ZRANB3: variants seen among roughly 807,000 people sequenced by gnomAD.
ZRANB3 encodes the protein DNA annealing helicase and endonuclease ZRANB3.
Under a neutral mutation model 133.8 loss-of-function variants are expected in ZRANB3, and 125 were observed. The observed-to-expected ratio is 0.93, with a 90% CI of 0.81 to 1.08. The LOEUF is 1.08. Ranked by LOEUF, ZRANB3 falls within the 50% of genes least tolerant of loss-of-function variation. The probability of loss-of-function intolerance (pLI) is 0.00; values close to 1 mark genes in which losing one functional copy is unlikely to be tolerated. For missense variants in ZRANB3, 1,229 were observed against 1,275.5 expected, an observed-to-expected ratio of 0.96 and a Z score of 0.56; for synonymous variants, 387 against 432.7, an observed-to-expected ratio of 0.89 and a Z score of 1.31.
rs1693918797 is a variant in ZRANB3 at position 135,207,463 on chromosome 2, T to C, written c.2980A>G (p.Thr994Ala). 1.2e-6 allele frequency: 2 copies of C among 1,613,216 alleles called. No individual in the cohort carries two copies. Among genetic ancestry groups the C allele is most frequent in the South Asian group, 1.1e-5 (1 of 90,948 alleles). ...KSQRKNLLYA[T>A]WTSKLPLEQL... ...TCTAATGGGAGCTTTGAAGTCCAGG[T>C]AGCATACAGAAGATTCTTCCTCTGA... is the stretch of plus-strand genomic sequence containing the variant. The change falls in exon 19 of 21, where the codon ACC (threonine) becomes GCC (alanine). Residue 994 changes from threonine to alanine, a missense_variant. By Grantham distance (58) the Thr-to-Ala change is moderately conservative. Coordinates refer to ENST00000264159, the MANE Select transcript of ZRANB3 (RefSeq NM_032143.4).
intron 2 of ZRANB3, among the ~76,000 whole-genome samples, chr2:135,503,108 G>T (rs1693017993): frequency 6.6e-6 from 1 of 152,114 alleles, no homozygotes. Context: ...TAGGATGATG[G>T]GTTTGGGTTA....
At chr2:135,314,216 A>G (rs1683145265) in intron 7 of ZRANB3, among the ~76,000 whole-genome samples, 1 of 152,220 alleles carries the variant, frequency 6.6e-6, no homozygotes, top group South Asian at 2.1e-4. Flanking sequence ...GAAACATAAG[A>G]AAGCAGAGTA....
At chr2:135,317,049 T>C (rs543942379) in intron 6 of ZRANB3, among the ~76,000 whole-genome samples, 1 of 151,044 alleles carries the variant, frequency 6.6e-6, no homozygotes, top group Non-Finnish European at 1.5e-5. Context: ...GAATGGAATC[T>C]ACTGTATGAT....
intron 6 of ZRANB3, among the ~76,000 whole-genome samples, chr2:135,326,551 G>C (rs1341695905): frequency 2.6e-5 from 4 of 151,970 alleles, no homozygotes; most frequent in Non-Finnish European, 4.4e-5. Context: ...GTGCCATGGT[G>C]GTTTGCTGCA....
intron 14 of ZRANB3, 126 bp downstream of exon 14, chr2:135,227,686 G>A (rs1694805720): frequency 3.3e-6 from 3 of 911,176 alleles, no homozygotes; most frequent in Admixed American, 2.7e-5. Flanking sequence ...CAAATGGTTG[G>A]TATTTTTAAT....
At chr2:135,399,872 A>C (rs1020033169) in intron 2 of ZRANB3, among the ~76,000 whole-genome samples, 1 of 152,212 alleles carries the variant, frequency 6.6e-6, no homozygotes, top group Non-Finnish European at 1.5e-5. Context: ...TCAGTGTATA[A>C]GGCCTAATTT....
chr2:135,336,687 T>G (rs1212404254), intron 6 of ZRANB3, among the ~76,000 whole-genome samples: 1 of 152,202 alleles, frequency 6.6e-6, no homozygotes, highest in Non-Finnish European at 1.5e-5. Context: ...AGATGAATTT[T>G]TTTATGAAAC....
intron 4 of ZRANB3, among the ~76,000 whole-genome samples, chr2:135,351,354 G>A (rs1394485421): frequency 6.9e-6 from 1 of 143,944 alleles, no homozygotes; most frequent in African/African-American, 2.6e-5. Flanking sequence ...TGCAAGCTCT[G>A]CCTCCCAGGT....
chr2:135,403,770 C>A (rs1417355136), intron 2 of ZRANB3, among the ~76,000 whole-genome samples: 4 of 152,176 alleles, frequency 2.6e-5, no homozygotes, highest in African/African-American at 7.2e-5. Flanking sequence ...GAGGAAGGAT[C>A]TGGCAGCAAC....
chr2:135,531,006 G>C (rs1487986586), intron 1 of ZRANB3, 121 bp downstream of exon 1: 1 of 152,254 alleles, frequency 6.6e-6, no homozygotes, highest in Non-Finnish European at 1.5e-5. Flanking sequence ...TTAGCGCTAA[G>C]GGGAGGAGCC....
rs112209442 is a variant in ZRANB3, at chr2:135,272,414, CTTTTTTT to C, written c.1087-534_1087-528del. 3.8e-3 allele frequency among the ~76,000 whole-genome samples: 408 copies of C among 107,760 alleles called. 19 individuals carry two copies. The highest frequency in any genetic ancestry group is 0.017 in the African/African-American group (377 of 22,142). 70.7% of individuals were successfully genotyped at this position (107,760 alleles called of 152,430 possible). A position where few individuals can be genotyped will look rare whatever the true frequency, so the allele number is the denominator to read the frequency against. On this transcript the variant is annotated intron_variant, in intron 9 of 20. Transcript: ENST00000264159. ...CCAAATATTAACTGGGAAAATAGAG[CTTTTTTT>C]TTTTTTTTTTTGTGACGGAGTCTTG...
At chr2:135,507,864 C>T (rs1027312764) in intron 1 of ZRANB3, among the ~76,000 whole-genome samples, 9 of 151,924 alleles carry the variant, frequency 5.9e-5, no homozygotes, top group African/African-American at 2.2e-4. Context: ...CTTCAGAGGA[C>T]TGCTTGAGCC....
chr2:135,443,219 T>A (rs1689862336), intron 2 of ZRANB3, among the ~76,000 whole-genome samples: 2 of 152,112 alleles, frequency 1.3e-5, no homozygotes, highest in African/African-American at 4.8e-5. Flanking sequence ...TTCATGTCCT[T>A]TACAGGGACA....
In ZRANB3 at chr2:135,337,988, C is replaced by A. The variant is rs551334375; in HGVS notation, c.677+7562G>T. Among the ~76,000 whole-genome samples the A allele has an allele frequency of 7.8e-4, 118 of 152,240 alleles. No homozygotes were observed. In the South Asian group the frequency reaches 0.014, roughly 18 times the overall value. The stretch of plus-strand genomic sequence containing the variant: ...AATCACTTAGTTCAGCCATTTTATT[C>A]CAGAAGCTCCAAATCTAAAGTATAA... On this transcript the variant is annotated intron_variant, in intron 6 of 20. Coordinates refer to ENST00000264159, the MANE Select transcript of ZRANB3 (RefSeq NM_032143.4).
At chr2:135,405,079 T>C (rs543095390) in intron 2 of ZRANB3, among the ~76,000 whole-genome samples, 19 of 152,168 alleles carry the variant, frequency 1.2e-4, no homozygotes, top group African/African-American at 2.6e-4. Flanking sequence ...AAACCCATCT[T>C]ACGTGCAGAG....
intron 8 of ZRANB3, 130 bp from the exon 9 acceptor site, chr2:135,275,885 G>C (rs1680796132): frequency 1.5e-6 from 1 of 650,118 alleles, no homozygotes; most frequent in Non-Finnish European, 2.3e-6. Flanking sequence ...TTGTTCTCTA[G>C]GTAGCCTAAG....
At chr2:135,250,435 A>G (rs1679335041) in intron 12 of ZRANB3, among the ~76,000 whole-genome samples, 1 of 152,350 alleles carries the variant, frequency 6.6e-6, no homozygotes, top group South Asian at 2.1e-4. Flanking sequence ...CAAGGAGCCT[A>G]ATGTTAATCC....
intron 1 of ZRANB3, among the ~76,000 whole-genome samples, chr2:135,525,173 G>A (rs1452175582): frequency 6.6e-6 from 1 of 152,060 alleles, no homozygotes; most frequent in Non-Finnish European, 1.5e-5. Context: ...AAAATATTAA[G>A]AGACAATGAC....
chr2:135,295,859 A>C (rs1682046371), intron 8 of ZRANB3, among the ~76,000 whole-genome samples: 1 of 152,142 alleles, frequency 6.6e-6, no homozygotes, highest in Non-Finnish European at 1.5e-5. Flanking sequence ...CTGGATATGA[A>C]ATTCTGGGTT....
Sources: gnomAD v4.1 joint callset for allele counts (sites outside exome capture counted in the v4.1 genomes callset) on GRCh38, gnomAD v4.1.1 for gene constraint, MANE v1.5 for transcripts, NCBI Gene and HGNC (gene_info 2026-07-23, HGNC 2026-07-21) for gene names.